The following CHAF1A variants were observed in gnomAD, a reference collection of about 807,000 sequenced individuals.
CHAF1A encodes chromatin assembly factor 1 subunit A, also known as CAF-1 subunit A.
In CHAF1A, 5 loss-of-function variants were observed where a neutral mutation model predicts 93.2. The ratio of observed to expected loss-of-function variants is 0.05; its 90% CI spans 0.03 to 0.11. The LOEUF (loss-of-function observed/expected upper bound fraction) is 0.11. Among genes scored for constraint, CHAF1A ranks in the 10% least tolerant of loss-of-function variants. The pLI is 1.00. For missense variants in CHAF1A, 1,102 were observed against 1,259.9 expected, an observed-to-expected ratio of 0.87 and a Z score of 1.90; for synonymous variants, 504 against 510.3, an observed-to-expected ratio of 0.99 and a Z score of 0.17.
chr19:4,412,288 A>G (rs1006262692), intron 3 of CHAF1A, among the ~76,000 whole-genome samples: 15 of 152,202 alleles, frequency 9.9e-5, no homozygotes, highest in Admixed American at 3.3e-4. Context: ...CACACCTGCA[A>G]TCCCAGCACT....
At chr19:4,412,547 G>GAAA (rs959032977) in intron 3 of CHAF1A, among the ~76,000 whole-genome samples, 1 of 143,904 alleles carries the variant, frequency 6.9e-6, no homozygotes, top group East Asian at 2.0e-4. Context: ...TCCGTCTCAA[G>GAAA]AAAAAAAAAA....
chr19:4,420,903 T>C (rs915593722), intron 4 of CHAF1A, among the ~76,000 whole-genome samples: 1 of 151,938 alleles, frequency 6.6e-6, no homozygotes, highest in African/African-American at 2.4e-5. Flanking sequence ...TGAGACTCCA[T>C]CTCTACAAAA....
intron 14 of CHAF1A, among the ~76,000 whole-genome samples, 164 bp from the exon 15 acceptor site, chr19:4,442,761 C>T (rs556246275): frequency 6.6e-6 from 1 of 152,270 alleles, no homozygotes; most frequent in Admixed American, 6.5e-5. Flanking sequence ...AGCAGGTCAC[C>T]TCTAGAAGAG....
intron 3 of CHAF1A, among the ~76,000 whole-genome samples, chr19:4,412,485 G>A (rs889793821): frequency 1.6e-4 from 24 of 152,236 alleles, no homozygotes; most frequent in Admixed American, 1.4e-3. Context: ...CAGAGGTTGC[G>A]GTGGCCTGAG....
intron 8 of CHAF1A, chr19:4,429,194 G>A (rs1974137300): frequency 5.0e-6 from 3 of 598,732 alleles, no homozygotes; most frequent in Non-Finnish European, 8.8e-6. Flanking sequence ...AACCTCCCTT[G>A]CTAAAAATGC....
At chr19:4,445,994 C>G, downstream of CHAF1A, 4 of 1,548,204 alleles carry the variant, frequency 2.6e-6, no homozygotes, top group Non-Finnish European at 3.5e-6. Context: ...GTGCCGGTCC[C>G]AGGAGAACCT....
chr19:4,429,405 G>C (rs763289987), intron 8 of CHAF1A, 33 bp from the exon 9 acceptor site: 66 of 1,608,838 alleles, frequency 4.1e-5, no homozygotes, highest in Non-Finnish European at 5.3e-5. Flanking sequence ...CTGTAAGGCA[G>C]CGTGATCCTG....
intron 4 of CHAF1A, among the ~76,000 whole-genome samples, chr19:4,419,164 G>A (rs55714744): frequency 6.6e-6 from 1 of 151,264 alleles, no homozygotes; most frequent in African/African-American, 2.4e-5. Flanking sequence ...ACAGGCCTGA[G>A]CCACTACACC....
Position 4,426,141 on chromosome 19 carries a change from C to G in CHAF1A, c.1377+2267C>G, listed in dbSNP as rs574354928. Among the ~76,000 whole-genome samples the G allele has an allele frequency of 7.6e-4, 112 of 148,086 alleles. 2 individuals carry two copies. Among genetic ancestry groups the G allele is most frequent in the African/African-American group, 2.1e-3 (85 of 40,236 alleles). On this transcript the variant is annotated intron_variant, in intron 7 of 14. Transcript: ENST00000301280. ...TTTCATTCTCCGTGATATTTCGTCT[C>G]AGCCTGTTACCTCTTTGTTTACAGT...
rs928422910 is a variant in CHAF1A, at chr19:4,433,917, T to C, written c.2673+378T>C. On this transcript the variant is annotated intron_variant, in intron 13 of 14. Coordinates refer to ENST00000301280, the MANE Select transcript of CHAF1A (RefSeq NM_005483.3). This position sits in a 1 kb window ranked among gnomAD's most constrained non-coding sequence, Gnocchi z 5.6. ...GCCTGGTGTTTTTGTGTTTTTTAAA[T>C]AACCTTACTCTTAGAGCAGTTTTAG... 2.6e-5 allele frequency among the ~76,000 whole-genome samples: 4 copies of C among 152,094 alleles called. No homozygotes were observed. Among genetic ancestry groups the C allele is most frequent in the African/African-American group, 9.7e-5 (4 of 41,446 alleles).
chr19:4,420,304 G>A (rs190090340), intron 4 of CHAF1A, among the ~76,000 whole-genome samples: 3 of 152,026 alleles, frequency 2.0e-5, no homozygotes, highest in African/African-American at 7.2e-5. Context: ...GTGCAGCGGC[G>A]TGATCTCGGC....
chr19:4,432,948 C>G, intron 12 of CHAF1A, 122 bp from the exon 13 acceptor site: 1 of 748,970 alleles, frequency 1.3e-6, no homozygotes, highest in East Asian at 2.7e-5. Context: ...GGCCACCTAT[C>G]CCCGAAGCTG....
chr19:4,409,218 C>G lies in CHAF1A; in HGVS notation c.419C>G (p.Ala140Gly). 3 of 1,614,184 alleles carry G rather than the reference C, an allele frequency of 1.9e-6. No homozygotes were observed. The highest frequency in any genetic ancestry group is 2.5e-6 in the Non-Finnish European group (3 of 1,180,038). The change falls in exon 3 of 15, where the codon GCC becomes GGC. Residue 140 changes from alanine to glycine, a missense_variant. Transcript: ENST00000301280. ...LVDHNKLNSE[A>G]SPSREAINGQ... The stretch of plus-strand genomic sequence containing the variant: ...GACCACAATAAACTAAATTCTGAAG[C>G]CTCTCCCTCCAGGGAGGCAATAAAT...
intron 4 of CHAF1A, among the ~76,000 whole-genome samples, chr19:4,420,087 A>G (rs1973964129): frequency 6.6e-6 from 1 of 152,140 alleles, no homozygotes; most frequent in African/African-American, 2.4e-5. Flanking sequence ...ATGTATTGGA[A>G]CACATTTAGA....
At position 4,442,947 on chromosome 19, in the gene CHAF1A, C is replaced by T. The variant is rs779721809; in HGVS notation, c.2793C>T (p.Ala931=). 5 of 1,600,756 alleles carry T rather than the reference C, an allele frequency of 3.1e-6. No individual in the cohort carries two copies. Among genetic ancestry groups the T allele is most frequent in the Middle Eastern group, 1.8e-4 (1 of 5,672 alleles). ...DAAEVQAPCG[A]ASGAGGGVGV... is the part of the protein sequence containing the mutation. ...CAGAGGTCCAAGCCCCGTGTGGAGC[C>T]GCTTCCGGAGCTGGGGGTGGTGTGG... The change falls in exon 15 of 15, where the codon GCC becomes GCT. Residue 931 remains alanine (A), a synonymous_variant. Coordinates refer to ENST00000301280, the MANE Select transcript of CHAF1A (RefSeq NM_005483.3).
Position 4,443,347 on chromosome 19 carries a change from C to G in CHAF1A, c.*322C>G, listed in dbSNP as rs536617127. 2 of 348,930 alleles carry G rather than the reference C, an allele frequency of 5.7e-6. No individual in the cohort carries two copies. Among genetic ancestry groups the G allele is most frequent in the Non-Finnish European group, 1.1e-5 (2 of 183,304 alleles). 21.6% of individuals were successfully genotyped at this position (348,930 alleles called of 1,614,324 possible). A position where few individuals can be genotyped will look rare whatever the true frequency, so the allele number is the denominator to read the frequency against. Reference sequence around the variant, plus strand: ...AGGACCACCCGCCTGGCCACGTGCGCGGGCCCCTGGACCTAACGAGGCAGT... The same window carrying G: ...AGGACCACCCGCCTGGCCACGTGCGGGGGCCCCTGGACCTAACGAGGCAGT... On this transcript the variant is annotated 3_prime_UTR_variant, in exon 15 of 15. Coordinates refer to ENST00000301280, the MANE Select transcript of CHAF1A (RefSeq NM_005483.3).
downstream of CHAF1A, chr19:4,445,695 A>G: frequency 6.4e-7 from 1 of 1,570,648 alleles, no homozygotes; most frequent in Admixed American, 1.7e-5. Flanking sequence ...TCAGCGGGCA[A>G]CCTGGGCGCG....
At chr19:4,418,904 C>T (rs960501763) in intron 4 of CHAF1A, among the ~76,000 whole-genome samples, 4 of 151,810 alleles carry the variant, frequency 2.6e-5, no homozygotes, top group Non-Finnish European at 5.9e-5. Flanking sequence ...TGCTCTGTCA[C>T]CAGACTGGAG....
chr19:4,423,894 T>TG lies in CHAF1A; in HGVS notation c.1377+21dup, dbSNP rs878861632. 6.2e-7 allele frequency: 1 copy of TG among 1,611,668 alleles called. No individual in the cohort carries two copies. Among genetic ancestry groups the TG allele is most frequent in the South Asian group, 1.1e-5 (1 of 91,018 alleles). On this transcript the variant is annotated intron_variant, in intron 7 of 14. Coordinates refer to ENST00000301280, the MANE Select transcript of CHAF1A (RefSeq NM_005483.3). The stretch of plus-strand genomic sequence containing the variant: ...CCCAAGGTGAGCAGCCGGCTGCCTT[T>TG]GCTTTTGGGTTTCAGCTCTGCTAGA...
Sources: gnomAD v4.1 joint callset for allele counts (sites outside exome capture counted in the v4.1 genomes callset) on GRCh38, gnomAD v4.1.1 for gene constraint, Gnocchi (gnomAD v3.1) non-coding constraint, MANE v1.5 for transcripts, NCBI Gene and HGNC (gene_info 2026-07-23, HGNC 2026-07-21) for gene names.